The following CPEB2 variants were observed in gnomAD, a reference collection of about 807,000 sequenced individuals.
The protein encoded by CPEB2 is cytoplasmic polyadenylation element-binding protein 2.
In CPEB2, 56 loss-of-function variants were observed where a neutral mutation model predicts 93.6. That is an observed-to-expected ratio of 0.60 (90% CI 0.48 to 0.75). CPEB2 has a LOEUF of 0.75. Ranked by LOEUF, CPEB2 falls within the 30% of genes least tolerant of loss-of-function variation. The probability of loss-of-function intolerance (pLI) is 0.00; values close to 1 mark genes in which losing one functional copy is unlikely to be tolerated. For synonymous variants in CPEB2, 764 were observed against 586.3 expected (o/e 1.30, Z -4.38); for missense variants, 1,579 against 1,395.1 (o/e 1.13, Z -2.10).
chr4:15,065,902 A>C (rs1348813439), intron 11 of CPEB2, among the ~76,000 whole-genome samples: 1 of 151,840 alleles, frequency 6.6e-6, no homozygotes, highest in Admixed American at 6.6e-5. Context: ...TAACTCTGAA[A>C]ATACCAGCAC....
chr4:15,013,614 T>G (rs1035797326), intron 3 of CPEB2, among the ~76,000 whole-genome samples: 2 of 152,082 alleles, frequency 1.3e-5, no homozygotes, highest in African/African-American at 4.8e-5. Context: ...TTCTGTTTTT[T>G]CAGAAGTCAT....
At chr4:15,036,897 G>T (rs1247084846) in intron 5 of CPEB2, among the ~76,000 whole-genome samples, 1 of 152,168 alleles carries the variant, frequency 6.6e-6, no homozygotes, top group African/African-American at 2.4e-5. Flanking sequence ...GCTCTAACTT[G>T]TATCTATTCA....
In CPEB2 at chr4:15,059,199, C is replaced by T; in HGVS notation, c.2593C>T (p.Pro865Ser). Residue 865 changes from proline (P) to serine (S), a missense_variant, in exon 10 of 12, where the codon CCT becomes TCT. Around this residue, in one of 2 missense-constraint regions of CPEB2, gnomAD observed 168 missense variants for 339.1 expected, o/e 0.50. Coordinates refer to ENST00000538197, the MANE Select transcript of CPEB2 (RefSeq NM_001177382.2). Reference sequence around the variant, plus strand: ...ATTTTCTTCATAGGTTCAAATACGTCCTTGGAATTTAAGTGATAGTGATTT... The same window carrying T: ...ATTTTCTTCATAGGTTCAAATACGTTCTTGGAATTTAAGTGATAGTGATTT... ...TIKDKPVQIRPWNLSDSDFVM... is the reference protein window; with the variant it reads ...TIKDKPVQIRSWNLSDSDFVM... 6.2e-7 allele frequency: 1 copy of T among 1,605,318 alleles called. No individual in the cohort carries two copies. The highest frequency in any genetic ancestry group is 8.5e-7 in the Non-Finnish European group (1 of 1,173,838).
At chr4:15,019,171 C>T (rs750590414) in intron 4 of CPEB2, among the ~76,000 whole-genome samples, 13 of 150,868 alleles carry the variant, frequency 8.6e-5, no homozygotes, top group African/African-American at 1.5e-4. Context: ...TGTTTTATGA[C>T]GGAATTTTTA....
intron 6 of CPEB2, among the ~76,000 whole-genome samples, chr4:15,041,527 C>G (rs193223066): frequency 1.6e-3 from 237 of 152,108 alleles, no homozygotes; most frequent in African/African-American, 5.5e-3. Context: ...CTCATCCTCC[C>G]AAGTAGCTGG....
At chr4:15,009,444 A>G (rs1723209887) in intron 3 of CPEB2, among the ~76,000 whole-genome samples, 3 of 152,162 alleles carry the variant, frequency 2.0e-5, no homozygotes, top group South Asian at 4.1e-4. Flanking sequence ...ACTTCATGCA[A>G]TTTGCAACGT....
At chr4:15,029,913 G>A (rs980436920) in intron 4 of CPEB2, among the ~76,000 whole-genome samples, 3 of 152,102 alleles carry the variant, frequency 2.0e-5, no homozygotes, top group African/African-American at 7.2e-5. Context: ...GAAATTGCAC[G>A]TACCACTTTC....
chr4:15,054,122 C>T lies in CPEB2; in HGVS notation c.2372-6C>T, dbSNP rs1345851327. 6.3e-7 allele frequency: 1 copy of T among 1,596,980 alleles called. No individual in the cohort carries two copies. Among genetic ancestry groups the T allele is most frequent in the Non-Finnish European group, 8.6e-7 (1 of 1,167,824 alleles). On this transcript the variant is annotated splice_polypyrimidine_tract_variant and splice_region_variant and intron_variant, in intron 7 of 11. Transcript: ENST00000538197. Reference sequence around the variant, plus strand: ...TTTCTAATGTGTATTATTGTACTTTCTTAAGATGAAATAACTGCTAGCTTC... The same window carrying T: ...TTTCTAATGTGTATTATTGTACTTTTTTAAGATGAAATAACTGCTAGCTTC...
At chr4:15,044,402 G>A (rs1165625152) in intron 6 of CPEB2, among the ~76,000 whole-genome samples, 1 of 152,056 alleles carries the variant, frequency 6.6e-6, no homozygotes, top group East Asian at 1.9e-4. Flanking sequence ...GAGACTGGTA[G>A]TGTCTGCTCT....
intron 8 of CPEB2, among the ~76,000 whole-genome samples, chr4:15,055,919 T>C (rs1338354940): frequency 1.3e-5 from 2 of 152,156 alleles, no homozygotes; most frequent in Admixed American, 6.6e-5. Flanking sequence ...TGTAAGTTGA[T>C]CACAGAAAAC....
intron 3 of CPEB2, among the ~76,000 whole-genome samples, chr4:15,009,939 T>C (rs932062959): frequency 4.6e-5 from 7 of 152,198 alleles, no homozygotes; most frequent in African/African-American, 1.7e-4. Flanking sequence ...TTACCTGTAT[T>C]ATAACCTAAG....
chr4:15,055,832 A>T (rs1728665176), intron 8 of CPEB2, among the ~76,000 whole-genome samples: 2 of 151,882 alleles, frequency 1.3e-5, no homozygotes, highest in African/African-American at 4.8e-5. Context: ...TATGTATGAT[A>T]CTCTCTAGAC....
chr4:15,016,543 G>A (rs1724167330), intron 3 of CPEB2, among the ~76,000 whole-genome samples: 1 of 151,954 alleles, frequency 6.6e-6, no homozygotes, highest in East Asian at 1.9e-4. Context: ...ATTTTGCAGG[G>A]GAGTTGGGGG....
At chr4:15,037,627 T>C (rs909008222) in intron 5 of CPEB2, among the ~76,000 whole-genome samples, 3 of 152,176 alleles carry the variant, frequency 2.0e-5, no homozygotes, top group Admixed American at 2.0e-4. Context: ...AATTGTAAAG[T>C]CGCTTGTCTT....
In CPEB2 at chr4:15,018,936, TTATATATATATATA is replaced by T. The variant is rs56945294; in HGVS notation, c.2125+1679_2125+1692del. 1.6e-4 allele frequency among the ~76,000 whole-genome samples: 21 copies of T among 133,126 alleles called. 1 individual carries two copies. Among genetic ancestry groups the T allele is most frequent in the South Asian group, 7.1e-4 (3 of 4,224 alleles). 87.3% of individuals were successfully genotyped at this position (133,126 alleles called of 152,430 possible). A position where few individuals can be genotyped will look rare whatever the true frequency, so the allele number is the denominator to read the frequency against. On this transcript the variant is annotated intron_variant, in intron 4 of 11. Transcript: ENST00000538197. ...AAGCATTATAAGGCTAAGGGGAATT[TTATATATATATATA>T]TATATATATATATATATATACACAC...
intron 5 of CPEB2, among the ~76,000 whole-genome samples, chr4:15,035,211 C>CTT (rs71648192): frequency 7.3e-5 from 11 of 150,672 alleles, no homozygotes; most frequent in Non-Finnish European, 1.5e-4. Flanking sequence ...GTCTTTTTTT[C>CTT]TTTTTTTTTG....
At position 15,004,187 on chromosome 4, in the gene CPEB2, T is replaced by C; in HGVS notation, c.1514T>C (p.Met505Thr). The C allele has an allele frequency of 2.4e-6, 3 of 1,233,968 alleles. No homozygotes were observed. The highest frequency in any genetic ancestry group is 1.7e-4 in the East Asian group (2 of 12,098). The allele number at this position is 1,233,968 out of a possible 1,614,324, so 76.4% of individuals were successfully genotyped here. Residue 505 changes from methionine to threonine, a missense_variant, in exon 1 of 12, where the codon ATG (methionine) becomes ACG (threonine). This residue lies in a region of CPEB2 where 1,411 missense variants were observed against 1,056.0 expected (regional missense o/e 1.34). Coordinates refer to ENST00000538197, the MANE Select transcript of CPEB2 (RefSeq NM_001177382.2). ...TAVPPPPPPA[M>T]NIPQQQPPPP... is the part of the protein sequence containing the mutation. The stretch of plus-strand genomic sequence containing the variant: ...GTGCCCCCTCCGCCGCCGCCCGCCA[T>C]GAATATACCTCAACAGCAGCCCCCG...
chr4:15,041,499 T>TTCAAGCA (rs1462669847), intron 6 of CPEB2, among the ~76,000 whole-genome samples: 1 of 151,928 alleles, frequency 6.6e-6, no homozygotes, highest in Non-Finnish European at 1.5e-5. Context: ...GCTTCCCGGA[T>TTCAAGCA]TCAAGCAATT....
Position 15,004,177 on chromosome 4 carries a change from C to T in CPEB2, c.1504C>T (p.Pro502Ser). 6.9e-7 allele frequency: 1 copy of T among 1,451,124 alleles called. No individual in the cohort carries two copies. Among genetic ancestry groups the T allele is most frequent in the Non-Finnish European group, 9.0e-7 (1 of 1,111,764 alleles). 89.9% of individuals were successfully genotyped at this position (1,451,124 alleles called of 1,614,324 possible). The change falls in exon 1 of 12, where the codon CCG (proline) becomes TCG (serine). Residue 502 changes from proline to serine, a missense_variant. This residue lies in a region of CPEB2 where 1,411 missense variants were observed against 1,056.0 expected (regional missense o/e 1.34). Transcript: ENST00000538197. The stretch of plus-strand genomic sequence containing the variant: ...GGCTACCGCTGTGCCCCCTCCGCCG[C>T]CGCCCGCCATGAATATACCTCAACA... ...FSATAVPPPP[P>S]PAMNIPQQQP...
Sources: gnomAD v4.1 joint callset for allele counts (sites outside exome capture counted in the v4.1 genomes callset) on GRCh38, gnomAD v4.1.1 for gene constraint, gnomAD v4.1.1 regional missense constraint, MANE v1.5 for transcripts, NCBI Gene and HGNC (gene_info 2026-07-23, HGNC 2026-07-21) for gene names.